RANBP2: variants seen among roughly 807,000 people sequenced by gnomAD.
RANBP2 encodes the protein E3 SUMO-protein ligase RanBP2.
RANBP2 carries 57 observed loss-of-function variants against 303.6 expected under a neutral mutation model. That is an observed-to-expected ratio of 0.19 (90% CI 0.15 to 0.23). The LOEUF is 0.23. Among genes scored for constraint, RANBP2 ranks in the 10% least tolerant of loss-of-function variants. The probability of loss-of-function intolerance (pLI) is 1.00; values close to 1 mark genes in which losing one functional copy is unlikely to be tolerated. For missense variants in RANBP2, 3,138 were observed against 3,780.8 expected, an observed-to-expected ratio of 0.83 and a Z score of 4.46; for synonymous variants, 1,167 against 1,301.5, an observed-to-expected ratio of 0.90 and a Z score of 2.23.
intron 4 of RANBP2, 57 bp downstream of exon 4, chr2:108,731,531 G>A: frequency 6.2e-7 from 1 of 1,608,116 alleles, no homozygotes; most frequent in Non-Finnish European, 8.5e-7. Flanking sequence ...TCTAATATTT[G>A]GAATTTAAAT....
intron 1 of RANBP2, 70 bp from the exon 2 acceptor site, chr2:108,729,062 T>G (rs1694964088): frequency 6.7e-7 from 1 of 1,501,608 alleles, no homozygotes; most frequent in South Asian, 1.2e-5. Context: ...GGACAGATTT[T>G]TACTACTTTT....
the RANBP2 span, among the ~76,000 whole-genome samples, chr2:109,100,088 G>C: frequency 2.6e-5 from 4 of 152,160 alleles, no homozygotes; most frequent in African/African-American, 9.7e-5. Flanking sequence ...CAAGTGTGAG[G>C]GGAGATTAAT....
the RANBP2 span, chr2:109,565,705 G>C: frequency 7.3e-7 from 1 of 1,378,780 alleles, no homozygotes; most frequent in East Asian, 2.3e-5. Flanking sequence ...AGGCATGACA[G>C]GTAGCTTTGA....
chr2:109,075,525 C>A, the RANBP2 span, among the ~76,000 whole-genome samples: 1 of 143,908 alleles, frequency 6.9e-6, no homozygotes, highest in Non-Finnish European at 1.5e-5. Flanking sequence ...CGTGCCTGGC[C>A]CAGAGTTGTT....
the RANBP2 span, among the ~76,000 whole-genome samples, chr2:108,990,365 A>G: frequency 7.0e-6 from 1 of 142,572 alleles, no homozygotes; most frequent in Non-Finnish European, 1.5e-5. Flanking sequence ...CGGGAAGCGG[A>G]GCTTGCAGTG....
the RANBP2 span, among the ~76,000 whole-genome samples, chr2:109,272,509 G>T: frequency 2.0e-5 from 3 of 152,206 alleles, no homozygotes; most frequent in Non-Finnish European, 4.4e-5. Flanking sequence ...ACTGTGTGCT[G>T]CACTCACAGG....
At chr2:109,217,902 GC>G in the RANBP2 span, among the ~76,000 whole-genome samples, 1 of 152,286 alleles carries the variant, frequency 6.6e-6, no homozygotes, top group South Asian at 2.1e-4. Flanking sequence ...AAGGGAGCTG[GC>G]CCGGCTGTGG....
the RANBP2 span, among the ~76,000 whole-genome samples, chr2:109,469,334 G>A: frequency 1.3e-3 from 197 of 152,330 alleles, 2 homozygotes; most frequent in African/African-American, 4.5e-3. Flanking sequence ...TGTGGCATGC[G>A]GCTGGGCCCC....
chr2:109,436,743 G>C, the RANBP2 span: 2 of 1,256,870 alleles, frequency 1.6e-6, no homozygotes, highest in Admixed American at 5.6e-5. Context: ...CTTCTGCCCA[G>C]TGACGGGCAT....
At chr2:108,867,987 C>G in the RANBP2 span, among the ~76,000 whole-genome samples, 1 of 152,202 alleles carries the variant, frequency 6.6e-6, no homozygotes, top group Non-Finnish European at 1.5e-5. Context: ...TAGCTCTTAT[C>G]TGAGGAACTT....
chr2:109,613,582 C>A, the RANBP2 span: 1 of 271,106 alleles, frequency 3.7e-6, no homozygotes, highest in Non-Finnish European at 6.8e-6. Context: ...CCGCGCCCCG[C>A]GAACCGGGGT....
chr2:109,427,424 G>C, the RANBP2 span, among the ~76,000 whole-genome samples: 4 of 152,114 alleles, frequency 2.6e-5, no homozygotes, highest in Non-Finnish European at 5.9e-5. Flanking sequence ...CTCTATTGGG[G>C]CAGTCTGGAA....
At chr2:108,890,241 T>C in the RANBP2 span, among the ~76,000 whole-genome samples, 22 of 6,362 alleles carry the variant, frequency 3.5e-3, no homozygotes, top group African/African-American at 3.8e-3. Context: ...TCTTTTTTTT[T>C]TTTTTTTTTT....
At chr2:109,038,772 C>T in the RANBP2 span, among the ~76,000 whole-genome samples, 1 of 152,178 alleles carries the variant, frequency 6.6e-6, no homozygotes, top group African/African-American at 2.4e-5. Context: ...CAAAGTAGCA[C>T]CAGTAACTTT....
chr2:108,864,525 C>T, the RANBP2 span, among the ~76,000 whole-genome samples: 4 of 151,816 alleles, frequency 2.6e-5, no homozygotes, highest in Middle Eastern at 3.4e-3. Flanking sequence ...TAGCCGGGCA[C>T]GGTGGCTCAC....
chr2:109,728,310 C>T, the RANBP2 span, among the ~76,000 whole-genome samples: 1 of 152,026 alleles, frequency 6.6e-6, no homozygotes, highest in African/African-American at 2.4e-5. Context: ...TAAGCCTTGC[C>T]CAAACTGAAG....
At chr2:109,542,348 T>TA in the RANBP2 span, among the ~76,000 whole-genome samples, 1 of 152,180 alleles carries the variant, frequency 6.6e-6, no homozygotes, top group Admixed American at 6.5e-5. Flanking sequence ...TCATCAGCAG[T>TA]ACAAAACGAC....
At chr2:109,196,454 C>A in the RANBP2 span, among the ~76,000 whole-genome samples, 1 of 152,202 alleles carries the variant, frequency 6.6e-6, no homozygotes, top group African/African-American at 2.4e-5. Context: ...CCATCCTGGG[C>A]AGCCCTGCAA....
the RANBP2 span, among the ~76,000 whole-genome samples, chr2:109,601,456 G>C: frequency 6.6e-6 from 1 of 152,208 alleles, no homozygotes; most frequent in Admixed American, 6.5e-5. Context: ...CAATTTGACA[G>C]GCAAAACTAA....
Sources: allele counts gnomAD v4.1 joint callset (sites outside exome capture counted in the v4.1 genomes callset), GRCh38; gene constraint gnomAD v4.1.1; transcripts MANE v1.5; gene names NCBI Gene and HGNC (gene_info 2026-07-23, HGNC 2026-07-21).